TFR2: variants seen among roughly 807,000 people sequenced by gnomAD.
TFR2 encodes transferrin receptor protein 2.
Under a neutral mutation model 91.9 loss-of-function variants are expected in TFR2, and 64 were observed. The ratio of observed to expected loss-of-function variants is 0.70; its 90% CI spans 0.57 to 0.86. TFR2 has a LOEUF of 0.86. TFR2 is among the 40% of genes least tolerant of loss of function. TFR2 has a pLI of 0.00. For missense variants in TFR2, 950 were observed against 1,080.5 expected, an observed-to-expected ratio of 0.88 and a Z score of 1.69; for synonymous variants, 454 against 459.6, an observed-to-expected ratio of 0.99 and a Z score of 0.15.
chr7:100,625,301 C>T (rs569520040), intron 17 of TFR2, among the ~76,000 whole-genome samples: 7 of 152,120 alleles, frequency 4.6e-5, no homozygotes, highest in East Asian at 3.9e-4. Flanking sequence ...CCAGGTGATC[C>T]GCCCACCTCA....
In TFR2 at chr7:100,627,825, G is replaced by C; in HGVS notation, c.1606-5C>G. 6.2e-7 allele frequency: 1 copy of C among 1,614,050 alleles called. No individual in the cohort carries two copies. On this transcript the variant is annotated splice_region_variant and splice_polypyrimidine_tract_variant and intron_variant, in intron 13 of 17. Coordinates refer to ENST00000223051, the MANE Select transcript of TFR2 (RefSeq NM_003227.4). ...ACTGTGGTTGGGAGAATCCACCTGGGGGTTGGGGAAGGGCACTGATCAGGC... is the reference window on the plus strand; with the variant it reads ...ACTGTGGTTGGGAGAATCCACCTGGCGGTTGGGGAAGGGCACTGATCAGGC...
rs754731616 is a variant in TFR2 at position 100,627,839 on chromosome 7, C to CA, written c.1606-20dup. On this transcript the variant is annotated intron_variant, in intron 13 of 17. Coordinates refer to ENST00000223051, the MANE Select transcript of TFR2 (RefSeq NM_003227.4). Reference sequence around the variant, plus strand: ...AATCCACCTGGGGGTTGGGGAAGGGCACTGATCAGGCTCTGCTCCTCCCCG... The same window carrying CA: ...AATCCACCTGGGGGTTGGGGAAGGGCAACTGATCAGGCTCTGCTCCTCCCCG... The CA allele has an allele frequency of 6.2e-7, 1 of 1,614,106 alleles. No homozygotes were observed. The highest frequency in any genetic ancestry group is 8.5e-7 in the Non-Finnish European group (1 of 1,179,984).
At chr7:100,639,127 C>T (rs552706488) in intron 3 of TFR2, among the ~76,000 whole-genome samples, 2 of 152,270 alleles carry the variant, frequency 1.3e-5, no homozygotes, top group South Asian at 2.1e-4. Flanking sequence ...TTTGGGAAGC[C>T]GAAGCGCTTT....
chr7:100,636,524 T>A (rs1803574450), intron 3 of TFR2, among the ~76,000 whole-genome samples: 1 of 150,398 alleles, frequency 6.6e-6, no homozygotes, highest in Non-Finnish European at 1.5e-5. Flanking sequence ...GGAATACTTA[T>A]CCATTGAGGA....
At chr7:100,628,371 C>T in intron 10 of TFR2, 65 bp from the exon 11 acceptor site, 1 of 1,499,082 alleles carries the variant, frequency 6.7e-7, no homozygotes, top group East Asian at 2.3e-5. Flanking sequence ...CCCTTGTCTT[C>T]TTCTGTCCTG....
chr7:100,621,204 C>A (rs988499303), intron 17 of TFR2, 78 bp from the exon 18 acceptor site: 61 of 1,404,224 alleles, frequency 4.3e-5, no homozygotes, highest in Non-Finnish European at 1.9e-6. Flanking sequence ...TTCCCGCCAG[C>A]CAGTCTTTTT....
intron 3 of TFR2, among the ~76,000 whole-genome samples, chr7:100,635,432 A>AATTATTATT (rs60473539): frequency 4.3e-4 from 61 of 143,440 alleles, no homozygotes; most frequent in African/African-American, 1.0e-3. Flanking sequence ...TTTTTTAAAA[A>AATTATTATT]ATTATTATTA....
chr7:100,626,860 TC>T lies in TFR2; in HGVS notation c.2038del (p.Asp680ThrfsTer23). ...CAGCTTTTCCGCCGCCCGGATGTAGTCCCCCCGCGCCGAGTACACCCACTGC... is the reference window on the plus strand; with the variant it reads ...CAGCTTTTCCGCCGCCCGGATGTAGTCCCCCGCGCCGAGTACACCCACTGC... Reference protein sequence around the residue: ...TLQWVYSARGDYIRAAEKLRQ... With the variant: ...TLQWVYSARGXYIRAAEKLRQ... On this transcript the variant is annotated frameshift_variant, in exon 17 of 18. Transcript: ENST00000223051. LOFTEE classifies it high-confidence loss of function. 2 of 1,547,132 alleles carry T rather than the reference TC, an allele frequency of 1.3e-6. No homozygotes were observed. The highest frequency in any genetic ancestry group is 1.7e-6 in the Non-Finnish European group (2 of 1,147,022).
rs758031412 is a variant in TFR2 at position 100,627,581 on chromosome 7, A to G, written c.1763T>C (p.Met588Thr). The change falls in exon 15 of 18, where the codon ATG (methionine) becomes ACG (threonine). Residue 588 changes from methionine (M) to threonine (T), a missense_variant. Met to Thr is a moderately conservative substitution (Grantham distance 81). Coordinates refer to ENST00000223051, the MANE Select transcript of TFR2 (RefSeq NM_003227.4). ...GGCAGGGGGAGGACGTCTCACCTCC[A>G]TAAAGGAGAACTCGACGGCAGGGAC... ...VGVPAVEFSF[M>T]EDDQAYPFLH... is the part of the protein sequence containing the mutation. 2.5e-6 allele frequency: 4 copies of G among 1,614,176 alleles called. No individual in the cohort carries two copies. The Admixed American group carries it at 5.0e-5, about 20-fold the overall frequency.
intron 17 of TFR2, among the ~76,000 whole-genome samples, chr7:100,624,362 G>C (rs575795458): frequency 6.6e-6 from 1 of 152,248 alleles, no homozygotes; most frequent in African/African-American, 2.4e-5. Context: ...TCTTTACTTT[G>C]CATCAATCCA....
chr7:100,626,613 C>G, intron 17 of TFR2, 150 bp downstream of exon 17: 1 of 1,456,406 alleles, frequency 6.9e-7, no homozygotes, highest in South Asian at 1.4e-5. Flanking sequence ...ATGAGCACTG[C>G]GTGTCCAGGA....
Position 100,626,809 on chromosome 7 carries a change from T to A in TFR2, c.2090A>T (p.Glu697Val), listed in dbSNP as rs1803267562. 1.3e-6 allele frequency: 2 copies of A among 1,549,068 alleles called. No homozygotes were observed. Among genetic ancestry groups the A allele is most frequent in the Non-Finnish European group, 1.7e-6 (2 of 1,146,920 alleles). ...CATGCGTGTCAGTCGCTCGTCTCTC[T>A]CCTCCGAGCTGTAGATCTCCTGCCG... Reference protein sequence around the residue: ...KLRQEIYSSEERDERLTRMYN... With the variant: ...KLRQEIYSSEVRDERLTRMYN... Residue 697 changes from glutamate (E) to valine (V), a missense_variant, in exon 17 of 18, where the codon GAG (glutamate) becomes GTG (valine). By Grantham distance (121) the Glu-to-Val change is moderately radical. Coordinates refer to ENST00000223051, the MANE Select transcript of TFR2 (RefSeq NM_003227.4).
intron 17 of TFR2, among the ~76,000 whole-genome samples, chr7:100,621,666 T>G (rs1409850806): frequency 5.3e-5 from 8 of 152,086 alleles, no homozygotes; most frequent in African/African-American, 1.7e-4. Flanking sequence ...GCCCTGCTGT[T>G]CCCTTCTTAA....
Position 100,620,641 on chromosome 7 carries a change from G to GT in TFR2, c.*215dup. 3 of 603,166 alleles carry GT rather than the reference G, an allele frequency of 5.0e-6. No homozygotes were observed. Among genetic ancestry groups the GT allele is most frequent in the Non-Finnish European group, 8.7e-6 (3 of 346,448 alleles). The allele number at this position is 603,166 out of a possible 1,614,324, so 37.4% of individuals were successfully genotyped here. ...GATGCTACTCTCTGATTAACCGACA[G>GT]TATGACCGTCACATTAGGGTCAGCT... On this transcript the variant is annotated 3_prime_UTR_variant, in exon 18 of 18. Coordinates refer to ENST00000223051, the MANE Select transcript of TFR2 (RefSeq NM_003227.4).
chr7:100,627,340 G>C lies in TFR2; in HGVS notation c.1919C>G (p.Pro640Arg). 1 of 1,551,350 alleles carries C rather than the reference G, an allele frequency of 6.4e-7. No individual in the cohort carries two copies. Among genetic ancestry groups the C allele is most frequent in the Non-Finnish European group, 8.7e-7 (1 of 1,147,268 alleles). The stretch of plus-strand genomic sequence containing the variant: ...GTCCCCGTAGCGGCCGAAGTCGAGG[G>C]GCAGCAGGCGATCGTGGCTGAGCCG... Reference protein sequence around the residue: ...LIRLSHDRLLPLDFGRYGDVV... With the variant: ...LIRLSHDRLLRLDFGRYGDVV... Residue 640 changes from proline (P) to arginine (R), a missense_variant, in exon 16 of 18, where the codon CCC (proline) becomes CGC (arginine). Transcript: ENST00000223051.
In TFR2 at chr7:100,633,562, C is replaced by A. The variant is rs780713293; in HGVS notation, c.474-6G>T. The A allele has an allele frequency of 2.8e-5, 44 of 1,598,780 alleles. No homozygotes were observed. Among genetic ancestry groups the A allele is most frequent in the Admixed American group, 5.0e-5 (3 of 59,850 alleles). On this transcript the variant is annotated splice_region_variant and splice_polypyrimidine_tract_variant and intron_variant, in intron 3 of 17. Transcript: ENST00000223051. ...GTTCCCGAAGGCTGGTTTGCCTAAG[C>A]GGGGAGAGGTGGGGACTTTTCTGGG...
At chr7:100,622,517 A>G (rs1251379763) in intron 17 of TFR2, among the ~76,000 whole-genome samples, 2 of 152,196 alleles carry the variant, frequency 1.3e-5, no homozygotes, top group Non-Finnish European at 2.9e-5. Flanking sequence ...CCTGGCCTCC[A>G]ATTTCGGCTC....
At chr7:100,629,677 C>T (rs919055035) in intron 9 of TFR2, among the ~76,000 whole-genome samples, 14 of 152,338 alleles carry the variant, frequency 9.2e-5, no homozygotes, top group African/African-American at 3.4e-4. Context: ...CCTGCCTGAG[C>T]CTCCCAAGTA....
chr7:100,622,201 T>A (rs986031945), intron 17 of TFR2, among the ~76,000 whole-genome samples: 2 of 152,194 alleles, frequency 1.3e-5, no homozygotes, highest in African/African-American at 4.8e-5. Flanking sequence ...GATTTTCAGA[T>A]GCTCACATCT....
Sources: gnomAD v4.1 joint callset for allele counts (sites outside exome capture counted in the v4.1 genomes callset) on GRCh38, gnomAD v4.1.1 for gene constraint, MANE v1.5 for transcripts, NCBI Gene and HGNC (gene_info 2026-07-23, HGNC 2026-07-21) for gene names.